The following SVEP1 variants were observed in gnomAD, a reference collection of about 807,000 sequenced individuals.
SVEP1 encodes the protein sushi, von Willebrand factor type A, EGF and pentraxin domain containing 1, also known as sushi, von Willebrand factor type A, EGF and pentraxin domain-containing protein 1.
In SVEP1, 164 loss-of-function variants were observed where a neutral mutation model predicts 367.3. That is an observed-to-expected ratio of 0.45 (90% confidence interval 0.39 to 0.51). The LOEUF is 0.51. SVEP1 is among the 20% of genes least tolerant of loss of function. The pLI, the probability that SVEP1 is intolerant of heterozygous loss-of-function variation, is 0.00. For missense variants in SVEP1, 4,117 were observed against 4,425.3 expected (o/e 0.93, Z 1.98); for synonymous variants, 1,666 against 1,611.6 (o/e 1.03, Z -0.81).
intron 24 of SVEP1, among the ~76,000 whole-genome samples, chr9:110,447,804 A>G (rs1444617112): frequency 6.6e-6 from 1 of 152,238 alleles, no homozygotes; most frequent in Non-Finnish European, 1.5e-5. Flanking sequence ...TGTTCATAGC[A>G]GGATCATTCT....
At chr9:110,436,242 C>T in intron 28 of SVEP1, 138 bp downstream of exon 28, 3 of 1,107,602 alleles carry the variant, frequency 2.7e-6, no homozygotes, top group Non-Finnish European at 1.2e-6. Context: ...TCTATAACCA[C>T]AGCATCAAAT....
rs754367263 is a variant in SVEP1, at chr9:110,465,828, G to A, written c.3322+37C>T. ...ACTCCTTCATGCATAGAACCTAGTA[G>A]GTTTAAAGAAATATCAATGTCTAAG... On this transcript the variant is annotated intron_variant, in intron 18 of 47. Coordinates refer to ENST00000374469, the MANE Select transcript of SVEP1 (RefSeq NM_153366.4). 1.9e-6 allele frequency: 3 copies of A among 1,596,348 alleles called. No homozygotes were observed. In the South Asian group the frequency reaches 3.4e-5, roughly 18 times the overall value.
chr9:110,482,513 C>T (rs1353141519), intron 10 of SVEP1, 21 bp from the exon 11 acceptor site: 1 of 1,552,938 alleles, frequency 6.4e-7, no homozygotes. Flanking sequence ...AAGAAGGCAG[C>T]CAATTTTTGG....
At chr9:110,380,255 T>G (rs1214794403) in intron 43 of SVEP1, among the ~76,000 whole-genome samples, 1 of 152,226 alleles carries the variant, frequency 6.6e-6, no homozygotes, top group Non-Finnish European at 1.5e-5. Context: ...AGAATTATTC[T>G]GTGGTGGGCA....
chr9:110,559,519 CTG>C (rs1353732877), intron 1 of SVEP1, among the ~76,000 whole-genome samples: 1 of 151,764 alleles, frequency 6.6e-6, no homozygotes, highest in African/African-American at 2.4e-5. Flanking sequence ...AATAGTAACA[CTG>C]TTTTTTTTTA....
intron 40 of SVEP1, among the ~76,000 whole-genome samples, chr9:110,391,106 C>A (rs933036212): frequency 2.0e-5 from 3 of 152,008 alleles, no homozygotes; most frequent in Admixed American, 6.6e-5. Context: ...AATAAAATGT[C>A]GTTTTCAAAT....
intron 2 of SVEP1, 32 bp from the exon 3 acceptor site, chr9:110,546,323 A>AG: frequency 6.4e-7 from 1 of 1,552,044 alleles, no homozygotes; most frequent in Non-Finnish European, 8.7e-7. Context: ...GGGCGATAAA[A>AG]ATGAGTCACA....
At chr9:110,455,815 T>C in intron 21 of SVEP1, 112 bp from the exon 22 acceptor site, 1 of 463,624 alleles carries the variant, frequency 2.2e-6, no homozygotes, top group Non-Finnish European at 3.3e-6. Context: ...AAATGGGTAG[T>C]GGTAAAGGGT....
At position 110,389,471 on chromosome 9, in the gene SVEP1, T is replaced by A. The variant is rs928558306; in HGVS notation, c.9886+53A>T. 3 of 1,592,614 alleles carry A rather than the reference T, an allele frequency of 1.9e-6. No homozygotes were observed. In the African/African-American group the frequency reaches 4.0e-5, roughly 21 times the overall value. ...TATAAAGAAAATGTAGCCACACTGT[T>A]ATTTTGTGTCCTCAGTGTCATTTTG... On this transcript the variant is annotated intron_variant, in intron 41 of 47. Transcript: ENST00000374469.
chr9:110,576,455 A>C (rs10980457), intron 1 of SVEP1, among the ~76,000 whole-genome samples: 14,880 of 152,222 alleles, frequency 0.098, 741 homozygotes, highest in African/African-American at 0.11. Flanking sequence ...CCTATTACCT[A>C]GACAACTGAA....
chr9:110,466,454 C>A (rs1232534066), intron 17 of SVEP1, among the ~76,000 whole-genome samples: 1 of 152,116 alleles, frequency 6.6e-6, no homozygotes, highest in East Asian at 1.9e-4. Flanking sequence ...ACTCTGAAAT[C>A]TCTGCTTTAA....
chr9:110,440,243 G>A (rs1328851533), intron 27 of SVEP1, among the ~76,000 whole-genome samples: 3 of 152,066 alleles, frequency 2.0e-5, no homozygotes, highest in Non-Finnish European at 2.9e-5. Context: ...TCTTTATCAC[G>A]TCTTCCTTTT....
intron 2 of SVEP1, 74 bp downstream of exon 2, chr9:110,549,775 A>G: frequency 3.8e-6 from 6 of 1,559,682 alleles, no homozygotes; most frequent in Non-Finnish European, 4.4e-6. Flanking sequence ...TTACCCTCCC[A>G]TGGGTTTCAA....
rs141924261 is a variant in SVEP1 at position 110,494,766 on chromosome 9, C to T, written c.1800+2049G>A. Among the ~76,000 whole-genome samples the T allele has an allele frequency of 6.0e-3, 888 of 148,250 alleles. 17 individuals are homozygous for T. Among genetic ancestry groups the T allele is most frequent in the South Asian group, 0.037 (171 of 4,566 alleles). On this transcript the variant is annotated intron_variant, in intron 8 of 47. Coordinates refer to ENST00000374469, the MANE Select transcript of SVEP1 (RefSeq NM_153366.4). ...AATAAATATAGTGGGGTTTTTTTCC[C>T]CAATTGTCTAAACTGCCTTCTCTGT... is the stretch of plus-strand genomic sequence containing the variant.
chr9:110,574,743 CTTTTTTTTT>C (rs1163833465), intron 1 of SVEP1, among the ~76,000 whole-genome samples: 3 of 84,788 alleles, frequency 3.5e-5, no homozygotes, highest in African/African-American at 8.7e-5. Context: ...AGTCGACCTT[CTTTTTTTTT>C]TTTTTTTTTT....
intron 46 of SVEP1, among the ~76,000 whole-genome samples, chr9:110,371,871 T>TTGCGGG (rs879892698): frequency 0.016 from 2,368 of 152,332 alleles, no homozygotes; most frequent in African/African-American, 0.054. Context: ...TGAATCTCTC[T>TTGCGGG]ATTGTAAGTC....
chr9:110,567,440 G>A (rs926529579), intron 1 of SVEP1, among the ~76,000 whole-genome samples: 3 of 152,004 alleles, frequency 2.0e-5, no homozygotes, highest in Admixed American at 6.5e-5. Flanking sequence ...TTTGATACTC[G>A]GTCTCATTCC....
Position 110,449,952 on chromosome 9 carries a change from T to G in SVEP1, c.4103+107A>C, listed in dbSNP as rs186525604. ...TGTAGCCTATCCTCGGGCCAGCATT[T>G]GAGAATGACTGACTTGAGACTCAAA... On this transcript the variant is annotated intron_variant, in intron 24 of 47. Transcript: ENST00000374469. 368 of 1,304,136 alleles carry G rather than the reference T, an allele frequency of 2.8e-4. 2 individuals are homozygous for G. The Middle Eastern group carries it at 3.8e-3, about 14-fold the overall frequency. The allele number at this position is 1,304,136 out of a possible 1,614,324, so 80.8% of individuals were successfully genotyped here. A position where few individuals can be genotyped will look rare whatever the true frequency, so the allele number is the denominator to read the frequency against.
At chr9:110,389,233 C>CA (rs1243204435) in intron 41 of SVEP1, among the ~76,000 whole-genome samples, 2 of 151,990 alleles carry the variant, frequency 1.3e-5, no homozygotes, top group Non-Finnish European at 2.9e-5. Context: ...AGAAAACCCC[C>CA]CCAAAATGCT....
Sources: gnomAD v4.1 joint callset for allele counts (sites outside exome capture counted in the v4.1 genomes callset) on GRCh38, gnomAD v4.1.1 for gene constraint, MANE v1.5 for transcripts, NCBI Gene and HGNC (gene_info 2026-07-23, HGNC 2026-07-21) for gene names.